Variants in ANKS1A observed in about 807,000 individuals in gnomAD.
ANKS1A encodes the protein ankyrin repeat and SAM domain-containing protein 1A.
In ANKS1A, 55 loss-of-function variants were observed where a neutral mutation model predicts 120.3. The observed-to-expected ratio is 0.46, with a 90% CI of 0.37 to 0.57. The LOEUF (loss-of-function observed/expected upper bound fraction) is 0.57. ANKS1A is among the 20% of genes least tolerant of loss of function. ANKS1A has a pLI of 0.00. For missense variants in ANKS1A, 1,123 were observed against 1,480.3 expected (o/e 0.76, Z 3.96); for synonymous variants, 590 against 604.7 (o/e 0.98, Z 0.36).
chr6:34,943,545 T>C (rs1186771393), intron 1 of ANKS1A, among the ~76,000 whole-genome samples: 1 of 152,198 alleles, frequency 6.6e-6, no homozygotes, highest in Non-Finnish European at 1.5e-5. Context: ...TACAAAATAA[T>C]TTCACTGCCC....
Position 35,083,223 on chromosome 6 carries a change from G to A in ANKS1A, c.2904G>A (p.Met968Ile). 2 of 1,614,024 alleles carry A rather than the reference G, an allele frequency of 1.2e-6. No individual in the cohort carries two copies. The highest frequency in any genetic ancestry group is 2.2e-5 in the East Asian group (1 of 44,892). The change falls in exon 19 of 24, where the codon ATG (methionine) becomes ATA (isoleucine). Residue 968 changes from methionine to isoleucine, a missense_variant. This residue lies in a region of ANKS1A where 904 missense variants were observed against 1,130.4 expected (regional missense o/e 0.80). Coordinates refer to ENST00000360359, the MANE Select transcript of ANKS1A (RefSeq NM_015245.3). Reference sequence around the variant, plus strand: ...CCACGCAAGACGCCTGTGCCAAGATGCGGGTAGGGTGCCTGTGTGGGCTGG... The same window carrying A: ...CCACGCAAGACGCCTGTGCCAAGATACGGGTAGGGTGCCTGTGTGGGCTGG... Reference protein sequence around the residue: ...TESTQDACAKMRKSTEHMKKI... With the variant: ...TESTQDACAKIRKSTEHMKKI...
rs769600178 is a variant in ANKS1A, at chr6:34,981,991, C to A, written c.732+5C>A. 1.5e-5 allele frequency: 25 copies of A among 1,613,190 alleles called. No homozygotes were observed. Among genetic ancestry groups the A allele is most frequent in the Non-Finnish European group, 2.1e-5 (25 of 1,179,438 alleles). On this transcript the variant is annotated splice_donor_5th_base_variant and intron_variant, in intron 4 of 23. Transcript: ENST00000360359. ...GGCATGGACAGCAACTACCAGGTAGCAGGGCGGGTGGGGGCTCCTCCAATC... is the reference window on the plus strand; with the variant it reads ...GGCATGGACAGCAACTACCAGGTAGAAGGGCGGGTGGGGGCTCCTCCAATC...
At chr6:35,073,377 C>T (rs1322202378) in intron 13 of ANKS1A, among the ~76,000 whole-genome samples, 1 of 152,236 alleles carries the variant, frequency 6.6e-6, no homozygotes, top group Admixed American at 6.5e-5. Context: ...GGCTCTGCCT[C>T]TTCCATGGGA....
intron 8 of ANKS1A, among the ~76,000 whole-genome samples, chr6:34,987,416 T>TC (rs1772270171): frequency 1.3e-5 from 2 of 152,200 alleles, no homozygotes; most frequent in Admixed American, 1.3e-4. Flanking sequence ...TGTTTTTTTT[T>TC]CCCTCAGTTA....
intron 1 of ANKS1A, among the ~76,000 whole-genome samples, chr6:34,945,983 ATTTT>A (rs770638824): frequency 7.8e-6 from 1 of 128,930 alleles, no homozygotes. Context: ...ATTTTTATTT[ATTTT>A]TTTTTTTTTT....
At position 35,089,238 on chromosome 6, in the gene ANKS1A, G is replaced by C. The variant is rs1778168054; in HGVS notation, c.*629G>C. 1 of 989,934 alleles carries C rather than the reference G, an allele frequency of 1.0e-6. No homozygotes were observed. The highest frequency in any genetic ancestry group is 5.7e-5 in the Admixed American group (1 of 17,486). The allele number at this position is 989,934 out of a possible 1,614,324, so 61.3% of individuals were successfully genotyped here. A position where few individuals can be genotyped will look rare whatever the true frequency, so the allele number is the denominator to read the frequency against. On this transcript the variant is annotated 3_prime_UTR_variant, in exon 24 of 24. Coordinates refer to ENST00000360359, the MANE Select transcript of ANKS1A (RefSeq NM_015245.3). ...GGCTTCTCGTAAGAACACAGCCTTA[G>C]AGGCACCTGAGCAACTCAAAGGTTT...
rs1777827847 is a variant in ANKS1A at position 35,084,055 on chromosome 6, C to T, written c.2995-66C>T. 3.1e-6 allele frequency: 5 copies of T among 1,596,196 alleles called. No individual in the cohort carries two copies. The highest frequency in any genetic ancestry group is 4.5e-5 in the East Asian group (2 of 44,738). Reference sequence around the variant, plus strand: ...AGAGAACAGTGACAATGGTAACAGGCTGGGGCAGGGGGTGCCAGAGGCATG... The same window carrying T: ...AGAGAACAGTGACAATGGTAACAGGTTGGGGCAGGGGGTGCCAGAGGCATG... On this transcript the variant is annotated intron_variant, in intron 20 of 23. Coordinates refer to ENST00000360359, the MANE Select transcript of ANKS1A (RefSeq NM_015245.3). The surrounding 1 kb of genome is among the most constrained non-coding windows in gnomAD (Gnocchi z 4.8).
chr6:34,908,284 A>G (rs1291744453), intron 1 of ANKS1A, among the ~76,000 whole-genome samples: 2 of 152,112 alleles, frequency 1.3e-5, no homozygotes, highest in East Asian at 1.9e-4. Context: ...CTGATAGAAG[A>G]TTGGTGTGGA....
At position 34,994,386 on chromosome 6, in the gene ANKS1A, A is replaced by G. The variant is rs142442603; in HGVS notation, c.1387A>G (p.Thr463Ala). The G allele has an allele frequency of 9.0e-5, 145 of 1,613,516 alleles. No homozygotes were observed. The highest frequency in any genetic ancestry group is 1.2e-4 in the Non-Finnish European group (137 of 1,179,524). The change falls in exon 10 of 24, where the codon ACA becomes GCA. Residue 463 changes from threonine (T) to alanine (A), a missense_variant. Thr to Ala is a moderately conservative substitution (Grantham distance 58, BLOSUM62 0). Coordinates refer to ENST00000360359, the MANE Select transcript of ANKS1A (RefSeq NM_015245.3). ...HPYELLLTAE[T>A]KKVVLVDGKT... is the part of the protein sequence containing the mutation. Reference sequence around the variant, plus strand: ...TTATGAACTGTTGTTAACAGCAGAGACAAAGAAAGTGGTGTTGGTGGATGG... The same window carrying G: ...TTATGAACTGTTGTTAACAGCAGAGGCAAAGAAAGTGGTGTTGGTGGATGG...
At position 35,079,935 on chromosome 6, in the gene ANKS1A, C is replaced by T. The variant is rs767033756; in HGVS notation, c.2544+7C>T. ...CAGATTCTCCCAGCTGAGGGTGAGT[C>T]GGGGAGGGACAGAAAGGAATGTATG... On this transcript the variant is annotated splice_region_variant and intron_variant, in intron 16 of 23. Transcript: ENST00000360359. 28 of 1,552,970 alleles carry T rather than the reference C, an allele frequency of 1.8e-5. No individual in the cohort carries two copies. Among genetic ancestry groups the T allele is most frequent in the South Asian group, 3.6e-5 (3 of 84,154 alleles).
chr6:35,039,489 G>T (rs896984332), intron 11 of ANKS1A: 1 of 437,298 alleles, frequency 2.3e-6, no homozygotes, highest in Admixed American at 2.4e-5. Context: ...GAGCCATCAC[G>T]CCCAGTCCAT....
At chr6:35,020,855 A>G (rs1177871776) in intron 11 of ANKS1A, among the ~76,000 whole-genome samples, 1 of 152,210 alleles carries the variant, frequency 6.6e-6, no homozygotes, top group Admixed American at 6.5e-5. Context: ...TCTATCCAAG[A>G]TCTAGGTGCT....
At chr6:34,905,778 G>A (rs1175869551) in intron 1 of ANKS1A, among the ~76,000 whole-genome samples, 1 of 152,146 alleles carries the variant, frequency 6.6e-6, no homozygotes, top group Non-Finnish European at 1.5e-5. Context: ...AGTTTGATGT[G>A]TAACTACCTG....
At chr6:34,934,454 A>G (rs981014534) in intron 1 of ANKS1A, among the ~76,000 whole-genome samples, 5 of 152,154 alleles carry the variant, frequency 3.3e-5, no homozygotes, top group African/African-American at 1.2e-4. Flanking sequence ...AGCCACCCCC[A>G]GGTACTTTAT....
At chr6:35,061,830 G>A (rs1239691603) in intron 13 of ANKS1A, among the ~76,000 whole-genome samples, 4 of 152,208 alleles carry the variant, frequency 2.6e-5, no homozygotes, top group Admixed American at 2.6e-4. Flanking sequence ...CAGGCAATGC[G>A]TGGGGACCCA....
intron 11 of ANKS1A, among the ~76,000 whole-genome samples, chr6:35,048,574 G>T (rs569224702): frequency 6.6e-6 from 1 of 152,114 alleles, no homozygotes; most frequent in South Asian, 2.1e-4. Context: ...GAGGCCATGC[G>T]CAATTCAGTC....
chr6:35,062,952 G>C (rs149906072), intron 13 of ANKS1A, among the ~76,000 whole-genome samples: 1 of 152,324 alleles, frequency 6.6e-6, no homozygotes, highest in East Asian at 1.9e-4. Context: ...CACAGAACAT[G>C]TTTAAGCCCT....
At chr6:34,919,922 ACTC>A (rs1321530595) in intron 1 of ANKS1A, among the ~76,000 whole-genome samples, 2 of 150,114 alleles carry the variant, frequency 1.3e-5, no homozygotes, top group Non-Finnish European at 3.0e-5. Context: ...CTGTTCTAGA[ACTC>A]CTGTCATTGC....
At chr6:34,935,993 C>T (rs993408083) in intron 1 of ANKS1A, among the ~76,000 whole-genome samples, 6 of 131,834 alleles carry the variant, frequency 4.6e-5, no homozygotes, top group Admixed American at 9.0e-5. Context: ...ACCCGGGAGG[C>T]GGAGCTTGCA....
Sources: gnomAD v4.1 joint callset for allele counts (sites outside exome capture counted in the v4.1 genomes callset) on GRCh38, gnomAD v4.1.1 for gene constraint, gnomAD v4.1.1 regional missense constraint, Gnocchi (gnomAD v3.1) non-coding constraint, MANE v1.5 for transcripts, NCBI Gene and HGNC (gene_info 2026-07-23, HGNC 2026-07-21) for gene names.